SLC25A29: variants seen among roughly 807,000 people sequenced by gnomAD.
SLC25A29 encodes the protein solute carrier family 25 member 29.
SLC25A29 carries 13 observed loss-of-function variants against 10.0 expected under a neutral mutation model. That is an observed-to-expected ratio of 1.30 (90% CI 0.85 to 2.07). The LOEUF (loss-of-function observed/expected upper bound fraction) is 2.07, where lower values mean the gene tolerates loss of function less well. Among genes scored for constraint, SLC25A29 ranks in the 30% most tolerant of loss-of-function variants. SLC25A29 has a pLI of 0.00. For missense variants in SLC25A29, 475 were observed against 447.6 expected, an observed-to-expected ratio of 1.06 and a Z score of -0.55; for synonymous variants, 244 against 221.1, an observed-to-expected ratio of 1.10 and a Z score of -0.92.
At chr14:100,294,670 G>C (rs1892014899) in intron 2 of SLC25A29, 1 of 152,202 alleles carries the variant, frequency 6.6e-6, no homozygotes, top group African/African-American at 2.4e-5. Context: ...GTGAGGGTGG[G>C]AGGGAGTGCT....
At position 100,306,200 on chromosome 14, in the gene SLC25A29, C is replaced by A; in HGVS notation, c.33G>T (p.Gly11=). The A allele has an allele frequency of 6.6e-7, 1 of 1,508,002 alleles. No individual in the cohort carries two copies. Among genetic ancestry groups the A allele is most frequent in the African/African-American group, 1.4e-5 (1 of 69,358 alleles). 93.4% of individuals were successfully genotyped at this position (1,508,002 alleles called of 1,614,324 possible). MALDFLAGCA[G]GVAGVLVGHP... is the part of the protein sequence containing the mutation. ...CGGCCCGGCCCGCCGCCTCCTTACC[C>A]CCCGCGCATCCAGCCAAGAAGTCCA... The change falls in exon 1 of 4, where the codon GGG becomes GGT. Residue 11 remains glycine, a splice_region_variant and synonymous_variant. Transcript: ENST00000359232.
Position 100,292,958 on chromosome 14 carries a change from C to A in SLC25A29, c.237G>T (p.Val79=). 2 of 1,603,208 alleles carry A rather than the reference C, an allele frequency of 1.2e-6. No homozygotes were observed. Among genetic ancestry groups the A allele is most frequent in the Non-Finnish European group, 1.7e-6 (2 of 1,175,530 alleles). Residue 79 remains valine (V), a synonymous_variant, in exon 4 of 4, where the codon GTG becomes GTT. Transcript: ENST00000359232. ...LTFINALVFG[V]QGNTLRALGH... The stretch of plus-strand genomic sequence containing the variant: ...CCAGGGCCCGGAGGGTGTTGCCCTG[C>A]ACCCCGAACACCAGCGCGTTGATGA...
At position 100,292,820 on chromosome 14, in the gene SLC25A29, C is replaced by A. The variant is rs765446494; in HGVS notation, c.375G>T (p.Ala125=). 24 of 1,590,820 alleles carry A rather than the reference C, an allele frequency of 1.5e-5. No individual in the cohort carries two copies. In the East Asian group the frequency reaches 5.3e-4, roughly 35 times the overall value. The change falls in exon 4 of 4, where the codon GCG becomes GCT. Residue 125 remains alanine, a synonymous_variant. Coordinates refer to ENST00000359232, the MANE Select transcript of SLC25A29 (RefSeq NM_001039355.3). ...AGCCCTTGTAGGTGCGCGCTGGGCCCGCGTCCTGCAGCTGCAGCCGCGTCT... is the reference window on the plus strand; with the variant it reads ...AGCCCTTGTAGGTGCGCGCTGGGCCAGCGTCCTGCAGCTGCAGCCGCGTCT... The part of the protein sequence containing the change: ...LAKTRLQLQD[A]GPARTYKGSL...
chr14:100,306,163 C>T (rs1272889661), intron 1 of SLC25A29, 36 bp downstream of exon 1: 2 of 1,431,386 alleles, frequency 1.4e-6, no homozygotes, highest in African/African-American at 3.0e-5. Flanking sequence ...CCCCGGACGC[C>T]TCGCCCCGGC....
At chr14:100,303,236 G>C (rs1018561730) in intron 1 of SLC25A29, among the ~76,000 whole-genome samples, 2 of 152,176 alleles carry the variant, frequency 1.3e-5, no homozygotes, top group Admixed American at 6.5e-5. Context: ...ATTTCCCTCG[G>C]TTTTGGAAAC....
chr14:100,296,099 C>T (rs1464998342), intron 2 of SLC25A29: 1 of 1,119,566 alleles, frequency 8.9e-7, no homozygotes, highest in African/African-American at 1.6e-5. Flanking sequence ...TAGGGTACAG[C>T]TGCAATTATA....
chr14:100,299,771 T>C (rs1892418567), intron 1 of SLC25A29: 1 of 985,338 alleles, frequency 1.0e-6, no homozygotes. Context: ...CATGCTCCTC[T>C]CCCTGGAGTT....
chr14:100,306,182 G>GCCCGT lies in SLC25A29; in HGVS notation c.34+16_34+17insACGGG. The GCCCGT allele has an allele frequency of 6.8e-7, 1 of 1,475,188 alleles. No homozygotes were observed. Among genetic ancestry groups the GCCCGT allele is most frequent in the Non-Finnish European group, 8.9e-7 (1 of 1,118,206 alleles). The allele number at this position is 1,475,188 out of a possible 1,614,324, so 91.4% of individuals were successfully genotyped here. ...GGACGCCTCGCCCCGGCCCGGCCCG[G>GCCCGT]CCCGCCGCCTCCTTACCCCCCGCGC... is the stretch of plus-strand genomic sequence containing the variant. On this transcript the variant is annotated intron_variant, in intron 1 of 3. Coordinates refer to ENST00000359232, the MANE Select transcript of SLC25A29 (RefSeq NM_001039355.3).
At chr14:100,301,977 TCA>T (rs1566809199) in intron 1 of SLC25A29, among the ~76,000 whole-genome samples, 1 of 151,800 alleles carries the variant, frequency 6.6e-6, no homozygotes, top group Non-Finnish European at 1.5e-5. Flanking sequence ...ACCGTGAGAC[TCA>T]ATGCACAACG....
chr14:100,305,123 A>C (rs1343611513), intron 1 of SLC25A29: 1 of 151,966 alleles, frequency 6.6e-6, no homozygotes, highest in Admixed American at 6.6e-5. Context: ...GGGAAGTTCT[A>C]ACTCCCCTCA....
chr14:100,296,827 T>C (rs1296169213), intron 2 of SLC25A29, among the ~76,000 whole-genome samples: 1 of 152,118 alleles, frequency 6.6e-6, no homozygotes, highest in Non-Finnish European at 1.5e-5. Flanking sequence ...CTTGATCTCC[T>C]GACCTTGTGA....
intron 2 of SLC25A29, chr14:100,295,408 T>A (rs1042088793): frequency 1.5e-4 from 54 of 363,682 alleles, no homozygotes; most frequent in Admixed American, 3.6e-4. Flanking sequence ...AGCTCCCAGC[T>A]CCCCATAGGG....
At chr14:100,287,636 CCT>C (rs56875492), downstream of SLC25A29, among the ~76,000 whole-genome samples, 28,554 of 109,362 alleles carry the variant, frequency 0.26, 4,982 homozygotes, top group South Asian at 0.43. Context: ...CCACCCCCCC[CCT>C]CCGAATTCCT....
downstream of SLC25A29, among the ~76,000 whole-genome samples, chr14:100,287,805 C>T (rs767861888): frequency 3.3e-5 from 5 of 152,084 alleles, no homozygotes; most frequent in Non-Finnish European, 5.9e-5. Flanking sequence ...GCTGATGCAA[C>T]GAAATAAAGT....
At position 100,292,675 on chromosome 14, in the gene SLC25A29, C is replaced by T. The variant is rs770408971; in HGVS notation, c.520G>A (p.Ala174Thr). 36 of 1,601,898 alleles carry T rather than the reference C, an allele frequency of 2.2e-5. No homozygotes were observed. In the South Asian group the frequency reaches 3.5e-4, roughly 15 times the overall value. The change falls in exon 4 of 4, where the codon GCT (alanine) becomes ACT (threonine). Residue 174 changes from alanine to threonine, a missense_variant. Ala to Thr is a moderately conservative substitution (Grantham distance 58). Transcript: ENST00000359232. ...SFGVYFLTYD[A>T]LTRALGCEPG... The stretch of plus-strand genomic sequence containing the variant: ...TCGCAGCCCAGCGCCCGCGTGAGAG[C>T]GTCATAGGTGAGGAAGTAGACGCCG...
chr14:100,295,566 G>A (rs1892085503), intron 2 of SLC25A29: 1 of 1,276,526 alleles, frequency 7.8e-7, no homozygotes. Flanking sequence ...TGGGGTTGGG[G>A]AGATGGGCAT....
chr14:100,299,226 C>CGGCGA, intron 1 of SLC25A29: 2 of 1,151,802 alleles, frequency 1.7e-6, no homozygotes, highest in Admixed American at 4.5e-5. Flanking sequence ...TCTGGGATAT[C>CGGCGA]CCATTAATCC....
rs1379501014 is a variant in SLC25A29 at position 100,292,269 on chromosome 14, G to A, written c.*14C>T. ...TCTGAGAAGGAGCCCTGGGGAAGGA[G>A]GGCGGGGTGAGCGTCACAGGCTGGA... On this transcript the variant is annotated 3_prime_UTR_variant, in exon 4 of 4. Coordinates refer to ENST00000359232, the MANE Select transcript of SLC25A29 (RefSeq NM_001039355.3). The A allele has an allele frequency of 2.0e-5, 31 of 1,533,682 alleles. No homozygotes were observed. The highest frequency in any genetic ancestry group is 2.5e-5 in the Non-Finnish European group (29 of 1,141,364).
the SLC25A29 span, among the ~76,000 whole-genome samples, chr14:100,285,935 G>A: frequency 6.6e-6 from 1 of 152,154 alleles, no homozygotes; most frequent in African/African-American, 2.4e-5. Context: ...CCAAAGGGAC[G>A]TCCTGGAGCC....
Sources: gnomAD v4.1 joint callset for allele counts (sites outside exome capture counted in the v4.1 genomes callset) on GRCh38, gnomAD v4.1.1 for gene constraint, MANE v1.5 for transcripts, NCBI Gene and HGNC (gene_info 2026-07-23, HGNC 2026-07-21) for gene names.